RBPMS2: variants seen among roughly 807,000 people sequenced by gnomAD.
RBPMS2 encodes RNA binding protein, mRNA processing factor 2.
RBPMS2 carries 14 observed loss-of-function variants against 25.7 expected under a neutral mutation model. The observed-to-expected ratio is 0.55, with a 90% CI of 0.36 to 0.85. RBPMS2 has a LOEUF of 0.85. Ranked by LOEUF, RBPMS2 falls within the 40% of genes least tolerant of loss-of-function variation. The pLI, the probability that RBPMS2 is intolerant of heterozygous loss-of-function variation, is 0.01. For missense variants in RBPMS2, 252 were observed against 283.4 expected, an observed-to-expected ratio of 0.89 and a Z score of 0.80; for synonymous variants, 127 against 115.6, an observed-to-expected ratio of 1.10 and a Z score of -0.63.
At chr15:64,750,656 C>G (rs193141057) in intron 2 of RBPMS2, among the ~76,000 whole-genome samples, 165 of 152,360 alleles carry the variant, frequency 1.1e-3, no homozygotes, top group Non-Finnish European at 1.1e-3. Context: ...CCCGAGAGCA[C>G]AGACCTTACC....
intron 1 of RBPMS2, among the ~76,000 whole-genome samples, chr15:64,767,574 G>A (rs1449838522): frequency 6.6e-6 from 1 of 152,208 alleles, no homozygotes; most frequent in African/African-American, 2.4e-5. Flanking sequence ...GCCAAGCAAA[G>A]GCTCAGCACC....
intron 3 of RBPMS2, 137 bp from the exon 4 acceptor site, chr15:64,749,630 G>GC (rs1419306095): frequency 1.4e-6 from 1 of 732,472 alleles, no homozygotes. Flanking sequence ...AGGAAAAAAA[G>GC]CCCCCCAAAA....
intron 1 of RBPMS2, among the ~76,000 whole-genome samples, chr15:64,762,712 CAGTAG>C (rs539106252): frequency 1.1e-3 from 171 of 152,340 alleles, no homozygotes; most frequent in African/African-American, 4.0e-3. Context: ...GCCTCAGCTA[CAGTAG>C]AGTAGACTCG....
At position 64,741,258 on chromosome 15, in the gene RBPMS2, A is replaced by G. The variant is rs1163500475; in HGVS notation, c.568-16T>C. 2 of 1,580,144 alleles carry G rather than the reference A, an allele frequency of 1.3e-6. No individual in the cohort carries two copies. Among genetic ancestry groups the G allele is most frequent in the East Asian group, 2.3e-5 (1 of 43,246 alleles). ...ACCAGCGCACCTGCAAGAGAAGCCAACGTCAGGAGCCAGCTGTGCATCCCT... is the reference window on the plus strand; with the variant it reads ...ACCAGCGCACCTGCAAGAGAAGCCAGCGTCAGGAGCCAGCTGTGCATCCCT... On this transcript the variant is annotated splice_polypyrimidine_tract_variant and intron_variant, in intron 6 of 7. Transcript: ENST00000300069.
intron 1 of RBPMS2, among the ~76,000 whole-genome samples, chr15:64,760,171 G>T (rs2083770814): frequency 6.6e-6 from 1 of 152,212 alleles, no homozygotes; most frequent in Non-Finnish European, 1.5e-5. Flanking sequence ...GCTCGTGGGG[G>T]AGAAGGAGGG....
At chr15:64,761,072 CA>C (rs1187460083) in intron 1 of RBPMS2, 3 of 151,274 alleles carry the variant, frequency 2.0e-5, no homozygotes, top group Admixed American at 6.6e-5. Flanking sequence ...AACCCTTTAG[CA>C]TCTCTAAAAG....
intron 1 of RBPMS2, among the ~76,000 whole-genome samples, chr15:64,772,238 T>C (rs965616084): frequency 6.6e-6 from 1 of 152,172 alleles, no homozygotes; most frequent in Non-Finnish European, 1.5e-5. Flanking sequence ...TACCCAGTTA[T>C]CCCTTGAGAA....
intron 6 of RBPMS2, among the ~76,000 whole-genome samples, chr15:64,748,189 C>T (rs1381806678): frequency 6.6e-6 from 1 of 152,180 alleles, no homozygotes; most frequent in African/African-American, 2.4e-5. Flanking sequence ...CACAGCTGGG[C>T]TGCCTGGCAT....
At chr15:64,753,403 C>T (rs560142844) in intron 1 of RBPMS2, among the ~76,000 whole-genome samples, 121 of 152,264 alleles carry the variant, frequency 7.9e-4, no homozygotes, top group African/African-American at 2.8e-3. Context: ...GAGACGATGG[C>T]TTTTATCAGT....
intron 3 of RBPMS2, 75 bp downstream of exon 3, chr15:64,750,268 G>A (rs2083663548): frequency 7.8e-7 from 1 of 1,282,792 alleles, no homozygotes; most frequent in East Asian, 2.3e-5. Flanking sequence ...GATTAGGGAA[G>A]GGTTAACGGG....
chr15:64,765,806 C>A lies in RBPMS2; in HGVS notation c.87+9427G>T, dbSNP rs117267826. Among the ~76,000 whole-genome samples, 447 of 152,132 alleles carry A rather than the reference C, an allele frequency of 2.9e-3. 1 individual carries two copies. The highest frequency in any genetic ancestry group is 4.2e-3 in the Non-Finnish European group (284 of 67,998). Reference sequence around the variant, plus strand: ...TAAAAATACAAAAAATTAGCCAGATCGCTTCTCTGCCTTTTGGCTAAGATC... The same window carrying A: ...TAAAAATACAAAAAATTAGCCAGATAGCTTCTCTGCCTTTTGGCTAAGATC... On this transcript the variant is annotated intron_variant, in intron 1 of 7. Transcript: ENST00000300069.
rs147615919 is a variant in RBPMS2 at position 64,742,702 on chromosome 15, G to C, written c.568-1460C>G. Among the ~76,000 whole-genome samples the C allele has an allele frequency of 3.9e-3, 596 of 152,306 alleles. 9 individuals are homozygous for C. The highest frequency in any genetic ancestry group is 0.029 in the Admixed American group (446 of 15,310). On this transcript the variant is annotated intron_variant, in intron 6 of 7. Coordinates refer to ENST00000300069, the MANE Select transcript of RBPMS2 (RefSeq NM_194272.3). Reference sequence around the variant, plus strand: ...GGATGAGCATCCAGGGAGGGGAGCTGGAGTCCCCTCAGGAAGGGAAGGGGC... The same window carrying C: ...GGATGAGCATCCAGGGAGGGGAGCTCGAGTCCCCTCAGGAAGGGAAGGGGC...
Position 64,748,485 on chromosome 15 carries a change from T to A in RBPMS2, c.501A>T (p.Pro167=), listed in dbSNP as rs990078441. Reference sequence around the variant, plus strand: ...AGGTGAACGCAGCATGGGAGATGGCTGGGGTCAGCTCTGTGGTGTACAAAG... The same window carrying A: ...AGGTGAACGCAGCATGGGAGATGGCAGGGGTCAGCTCTGTGGTGTACAAAG... ...PYPLYTTELT[P]AISHAAFTYP... Residue 167 remains proline, a synonymous_variant, in exon 6 of 8, where the codon CCA becomes CCT. Transcript: ENST00000300069. 2.5e-6 allele frequency: 4 copies of A among 1,614,034 alleles called. No individual in the cohort carries two copies. Among genetic ancestry groups the A allele is most frequent in the African/African-American group, 1.3e-5 (1 of 75,054 alleles).
At chr15:64,762,609 A>C in intron 1 of RBPMS2, 1 of 469,922 alleles carries the variant, frequency 2.1e-6, no homozygotes, top group Middle Eastern at 3.5e-4. Context: ...CAAACAAAAG[A>C]CAAAGAACCT....
chr15:64,760,325 G>GGAAGGACAAGCCCGATGCT (rs2083772476), intron 1 of RBPMS2, among the ~76,000 whole-genome samples: 1 of 152,214 alleles, frequency 6.6e-6, no homozygotes, highest in Non-Finnish European at 1.5e-5. Flanking sequence ...CTCTGCAAGG[G>GGAAGGACAAGCCCGATGCT]GAAGGACAAG....
intron 6 of RBPMS2, among the ~76,000 whole-genome samples, chr15:64,743,521 A>C (rs1225544171): frequency 6.6e-6 from 1 of 152,232 alleles, no homozygotes; most frequent in African/African-American, 2.4e-5. Context: ...GGTCCTCTAG[A>C]AGCCACACAA....
intron 1 of RBPMS2, among the ~76,000 whole-genome samples, chr15:64,763,000 G>A (rs1296773028): frequency 6.8e-6 from 1 of 147,402 alleles, no homozygotes; most frequent in Admixed American, 7.1e-5. Flanking sequence ...TAGGGCTGCC[G>A]AACAGAAACG....
At chr15:64,772,222 G>A (rs979857816) in intron 1 of RBPMS2, among the ~76,000 whole-genome samples, 3 of 152,156 alleles carry the variant, frequency 2.0e-5, no homozygotes, top group Non-Finnish European at 4.4e-5. Flanking sequence ...TCAGAGACAT[G>A]GTAATTACCC....
chr15:64,765,546 T>C (rs191475169), intron 1 of RBPMS2, among the ~76,000 whole-genome samples: 3 of 148,048 alleles, frequency 2.0e-5, no homozygotes, highest in African/African-American at 7.5e-5. Context: ...GCCACTACAC[T>C]CCAGCCTGGG....
Sources: gnomAD v4.1 joint callset for allele counts (sites outside exome capture counted in the v4.1 genomes callset) on GRCh38, gnomAD v4.1.1 for gene constraint, MANE v1.5 for transcripts, NCBI Gene and HGNC (gene_info 2026-07-23, HGNC 2026-07-21) for gene names.